SLC25A48: variants seen among roughly 807,000 people sequenced by gnomAD.
SLC25A48 encodes CTC-321K16.1.
Under a neutral mutation model 32.2 loss-of-function variants are expected in SLC25A48, and 29 were observed. That is an observed-to-expected ratio of 0.90 (90% confidence interval 0.67 to 1.23). SLC25A48 has a LOEUF of 1.23. Among genes scored for constraint, SLC25A48 ranks in the 50% most tolerant of loss-of-function variants. The probability of loss-of-function intolerance (pLI) is 0.00; values close to 1 mark genes in which losing one functional copy is unlikely to be tolerated. For synonymous variants in SLC25A48, 164 were observed against 172.3 expected, an observed-to-expected ratio of 0.95 and a Z score of 0.38; for missense variants, 399 against 422.7, an observed-to-expected ratio of 0.94 and a Z score of 0.49.
At chr5:135,717,273 C>G (rs1161440075) in intron 3 of SLC25A48, among the ~76,000 whole-genome samples, 1 of 152,226 alleles carries the variant, frequency 6.6e-6, no homozygotes. Flanking sequence ...ACAGACAGCA[C>G]ATTGCCTACT....
intron 3 of SLC25A48, among the ~76,000 whole-genome samples, chr5:135,638,756 G>A (rs971839031): frequency 2.6e-5 from 4 of 152,058 alleles, no homozygotes; most frequent in African/African-American, 7.2e-5. Context: ...ATGATCAATT[G>A]GCCTCAGATT....
chr5:135,676,598 T>C (rs932599314), intron 3 of SLC25A48, among the ~76,000 whole-genome samples: 1 of 152,050 alleles, frequency 6.6e-6, no homozygotes, highest in South Asian at 2.1e-4. Flanking sequence ...ACATGTTTAT[T>C]GCTATAAGCT....
At chr5:135,793,126 G>A (rs12153181) in intron 3 of SLC25A48, among the ~76,000 whole-genome samples, 98,799 of 150,880 alleles carry the variant, frequency 0.65, 34,265 homozygotes, top group Non-Finnish European at 0.77. Context: ...CACCATGTGC[G>A]TACACTCTGG....
At chr5:135,876,809 C>T (rs966886386) in intron 6 of SLC25A48, among the ~76,000 whole-genome samples, 1 of 152,152 alleles carries the variant, frequency 6.6e-6, no homozygotes, top group African/African-American at 2.4e-5. Flanking sequence ...GTCTCAAAGG[C>T]AGTTTTCTGG....
intron 4 of SLC25A48, among the ~76,000 whole-genome samples, chr5:135,863,690 A>T (rs762630810): frequency 6.6e-6 from 1 of 152,184 alleles, no homozygotes; most frequent in Non-Finnish European, 1.5e-5. Context: ...CCGAGGCTGA[A>T]TTACATAATT....
chr5:135,883,289 T>G (rs561661789), intron 7 of SLC25A48: 1 of 985,354 alleles, frequency 1.0e-6, no homozygotes, highest in Admixed American at 6.1e-5. Flanking sequence ...GATCACCAAC[T>G]ATTCCAGCTT....
At chr5:135,828,032 C>T (rs183219801) in intron 4 of SLC25A48, among the ~76,000 whole-genome samples, 2 of 152,310 alleles carry the variant, frequency 1.3e-5, no homozygotes, top group Admixed American at 1.3e-4. Context: ...CAAGGAGGGC[C>T]GAGAGCCCTG....
At chr5:135,819,338 T>A (rs1757819385) in intron 4 of SLC25A48, among the ~76,000 whole-genome samples, 2 of 151,992 alleles carry the variant, frequency 1.3e-5, no homozygotes, top group Non-Finnish European at 2.9e-5. Context: ...AAGAAAAACA[T>A]CTTCAAAACA....
In SLC25A48 at chr5:135,585,765, G is replaced by GATA. The variant is rs575237605; in HGVS notation, c.-849+6188_-849+6190dup. Among the ~76,000 whole-genome samples the GATA allele has an allele frequency of 9.5e-4, 144 of 151,352 alleles. 1 individual carries two copies. The highest frequency in any genetic ancestry group is 2.1e-3 in the South Asian group (10 of 4,768). On this transcript the variant is annotated intron_variant, in intron 1 of 10. Coordinates refer to the SLC25A48 transcript ENST00000646290. ...TCTGCTTCCTCATCTGTAAAAAGAA[G>GATA]ATAATAATAATAATAATAATAAATA...
intron 1 of SLC25A48, among the ~76,000 whole-genome samples, chr5:135,589,287 T>C (rs372257970): frequency 6.6e-6 from 1 of 152,242 alleles, no homozygotes; most frequent in African/African-American, 2.4e-5. Flanking sequence ...TAGTTTATAC[T>C]TGCAGTGGCT....
At chr5:135,662,721 C>G (rs1753433105) in intron 3 of SLC25A48, among the ~76,000 whole-genome samples, 1 of 151,958 alleles carries the variant, frequency 6.6e-6, no homozygotes, top group Non-Finnish European at 1.5e-5. Context: ...CCCTTGGGAG[C>G]AAGGGGTGAG....
At chr5:135,795,289 AG>A (rs1757140706) in intron 3 of SLC25A48, among the ~76,000 whole-genome samples, 2 of 151,820 alleles carry the variant, frequency 1.3e-5, no homozygotes, top group African/African-American at 4.8e-5. Flanking sequence ...CTTAATATCC[AG>A]TGGGGAGAGG....
intron 6 of SLC25A48, among the ~76,000 whole-genome samples, chr5:135,879,263 C>T (rs1762264357): frequency 6.6e-6 from 1 of 152,070 alleles, no homozygotes. Flanking sequence ...TGATAATCAG[C>T]AGTTAATACA....
At chr5:135,714,326 C>T (rs1332246997) in intron 3 of SLC25A48, among the ~76,000 whole-genome samples, 1 of 152,230 alleles carries the variant, frequency 6.6e-6, no homozygotes, top group East Asian at 1.9e-4. Flanking sequence ...TTGTGGTCCA[C>T]AAATTCCTCC....
At chr5:135,646,257 C>T (rs189223442) in intron 3 of SLC25A48, among the ~76,000 whole-genome samples, 1 of 113,602 alleles carries the variant, frequency 8.8e-6, no homozygotes. Context: ...AGAGCCCTCT[C>T]CGGCCGGCTT....
chr5:135,692,317 T>TC (rs1554122220), intron 3 of SLC25A48, among the ~76,000 whole-genome samples: 8 of 36,232 alleles, frequency 2.2e-4, no homozygotes, highest in African/African-American at 8.1e-4. Context: ...AGACCCCGTC[T>TC]CAAAAAAAAA....
chr5:135,801,351 G>T (rs753002822), intron 3 of SLC25A48, among the ~76,000 whole-genome samples: 4 of 151,202 alleles, frequency 2.6e-5, no homozygotes, highest in Non-Finnish European at 4.4e-5. Flanking sequence ...GAAAAAAAAG[G>T]GGATGATATC....
upstream of SLC25A48, among the ~76,000 whole-genome samples, chr5:135,833,645 C>T (rs2126673054): frequency 6.6e-6 from 1 of 152,234 alleles, no homozygotes; most frequent in Admixed American, 6.5e-5. Flanking sequence ...GCAATACTTC[C>T]CTAGCCAGGC....
intron 3 of SLC25A48, among the ~76,000 whole-genome samples, chr5:135,811,417 G>A (rs1757588203): frequency 6.6e-6 from 1 of 152,182 alleles, no homozygotes; most frequent in African/African-American, 2.4e-5. Flanking sequence ...GAGGCTAGGG[G>A]TGGGGGATTG....
Sources: gnomAD v4.1 joint callset for allele counts (sites outside exome capture counted in the v4.1 genomes callset) on GRCh38, gnomAD v4.1.1 for gene constraint, MANE v1.5 for transcripts, NCBI Gene and HGNC (gene_info 2026-07-23, HGNC 2026-07-21) for gene names.